Variants in FER observed in about 807,000 individuals in gnomAD.
FER encodes the protein tyrosine-protein kinase Fer.
A neutral mutation model predicts 111.0 loss-of-function variants in FER; 63 were observed. That is an observed-to-expected ratio of 0.57 (90% CI 0.46 to 0.70). The LOEUF (loss-of-function observed/expected upper bound fraction) is 0.70. Among genes scored for constraint, FER ranks in the 30% least tolerant of loss-of-function variants. The pLI is 0.00. For missense variants in FER, 914 were observed against 954.0 expected (o/e 0.96, Z 0.55); for synonymous variants, 327 against 313.9 (o/e 1.04, Z -0.44).
At chr5:109,164,076 T>G (rs1397423009) in intron 17 of FER, among the ~76,000 whole-genome samples, 3 of 152,120 alleles carry the variant, frequency 2.0e-5, no homozygotes, top group East Asian at 3.8e-4. Context: ...AAAAATAATG[T>G]TTGAGATTAT....
chr5:108,954,856 A>G lies in FER; in HGVS notation c.1457A>G (p.His486Arg). ...KQGDFLVRES[H>R]GKPGEYVLSV... ...GGAGACTTTTTGGTGCGAGAGAGTC[A>G]TGGGAAACCTGGTGAATATGTCCTT... Residue 486 changes from histidine to arginine, a missense_variant, in exon 12 of 20, where the codon CAT (histidine) becomes CGT (arginine). Transcript: ENST00000281092. 7.4e-6 allele frequency: 12 copies of G among 1,612,164 alleles called. No homozygotes were observed. The highest frequency in any genetic ancestry group is 9.3e-6 in the Non-Finnish European group (11 of 1,179,184).
At chr5:108,934,116 G>A (rs1440715314) in intron 10 of FER, among the ~76,000 whole-genome samples, 1 of 152,118 alleles carries the variant, frequency 6.6e-6, no homozygotes, top group East Asian at 1.9e-4. Flanking sequence ...GAATAGGAGT[G>A]GTGAGACAGG....
intron 13 of FER, among the ~76,000 whole-genome samples, chr5:108,962,930 T>C (rs1759324482): frequency 6.6e-6 from 1 of 152,182 alleles, no homozygotes; most frequent in Non-Finnish European, 1.5e-5. Context: ...TTTTAGAGGC[T>C]AAAATAAACT....
At chr5:108,858,026 C>T (rs544642814) in intron 5 of FER, among the ~76,000 whole-genome samples, 2 of 152,264 alleles carry the variant, frequency 1.3e-5, no homozygotes, top group South Asian at 2.1e-4. Flanking sequence ...GTGCTCATTG[C>T]TAGTGGAGTA....
chr5:109,115,772 GTAGT>G (rs1263875097), intron 17 of FER, among the ~76,000 whole-genome samples: 6 of 151,800 alleles, frequency 4.0e-5, no homozygotes, highest in Non-Finnish European at 5.9e-5. Context: ...TATAAACTTG[GTAGT>G]TAGATGCTTT....
intron 16 of FER, among the ~76,000 whole-genome samples, chr5:109,071,828 T>A (rs1581903612): frequency 6.6e-6 from 1 of 151,944 alleles, no homozygotes; most frequent in South Asian, 2.1e-4. Context: ...AAGCAACAAA[T>A]TAATGAGTGG....
chr5:109,186,083 C>T (rs779866973), intron 18 of FER, 117 bp from the exon 19 acceptor site: 2 of 1,410,512 alleles, frequency 1.4e-6, no homozygotes, highest in South Asian at 2.5e-5. Flanking sequence ...ATATGTGCTC[C>T]ATCATTGACC....
At position 109,146,244 on chromosome 5, in the gene FER, A is replaced by ATATTATCTATCTAATATATATATATT. The variant is rs373376729; in HGVS notation, c.2049-34503_2049-34502insTATTATCTATCTAATATATATATATT. 7.4e-5 allele frequency among the ~76,000 whole-genome samples: 5 copies of ATATTATCTATCTAATATATATATATT among 67,304 alleles called. 1 individual carries two copies. The highest frequency in any genetic ancestry group is 2.5e-4 in the African/African-American group (4 of 15,988). The allele number at this position is 67,304 out of a possible 152,430, so 44.2% of individuals were successfully genotyped here. ...TATATTATCTATCTAATATATATATAATCTATCTAATATATATATATATAT... is the reference window on the plus strand; with the variant it reads ...TATATTATCTATCTAATATATATATATATTATCTATCTAATATATATATATTATCTATCTAATATATATATATATAT... On this transcript the variant is annotated intron_variant, in intron 17 of 19. Coordinates refer to ENST00000281092, the MANE Select transcript of FER (RefSeq NM_005246.4).
chr5:109,181,190 G>C (rs924767073), intron 18 of FER, among the ~76,000 whole-genome samples: 11 of 152,146 alleles, frequency 7.2e-5, no homozygotes, highest in Non-Finnish European at 4.4e-5. Flanking sequence ...ATTATACAGA[G>C]TAAGCGTTGT....
At chr5:108,774,854 CTGA>C (rs1177358834) in intron 2 of FER, among the ~76,000 whole-genome samples, 7 of 152,030 alleles carry the variant, frequency 4.6e-5, no homozygotes, top group African/African-American at 1.7e-4. Flanking sequence ...CCTGTTCACT[CTGA>C]TGATAGTTTC....
intron 16 of FER, among the ~76,000 whole-genome samples, chr5:109,091,682 T>C (rs1403024214): frequency 6.6e-6 from 1 of 152,104 alleles, no homozygotes; most frequent in Non-Finnish European, 1.5e-5. Context: ...AGCCAAGCCA[T>C]GAGTGTAGGG....
chr5:109,035,012 A>G (rs1561805563), intron 13 of FER, among the ~76,000 whole-genome samples: 1 of 151,130 alleles, frequency 6.6e-6, no homozygotes, highest in South Asian at 2.1e-4. Context: ...ATATAGTTCA[A>G]TGAAACACCA....
In FER at chr5:109,133,081, C is replaced by T. The variant is rs573153997; in HGVS notation, c.2048+32562C>T. Among the ~76,000 whole-genome samples, 3 of 152,270 alleles carry T rather than the reference C, an allele frequency of 2.0e-5. No individual in the cohort carries two copies. The South Asian group carries it at 6.2e-4, about 32-fold the overall frequency. ...TATTTAAGTTGGGATTTTTGTCATA[C>T]TGTAACTTTCGGTTTTATTGGAAAG... is the stretch of plus-strand genomic sequence containing the variant. On this transcript the variant is annotated intron_variant, in intron 17 of 19. Transcript: ENST00000281092.
At chr5:109,157,252 C>G (rs1755498540) in intron 17 of FER, among the ~76,000 whole-genome samples, 2 of 152,044 alleles carry the variant, frequency 1.3e-5, no homozygotes, top group African/African-American at 4.8e-5. Flanking sequence ...CTGAGAGACA[C>G]TTGTGTTTTT....
At chr5:108,927,131 C>T (rs1036855610) in intron 10 of FER, among the ~76,000 whole-genome samples, 3 of 151,960 alleles carry the variant, frequency 2.0e-5, no homozygotes, top group Admixed American at 6.6e-5. Flanking sequence ...ATACACTTTT[C>T]CATCTTGTAA....
chr5:108,748,988 T>A (rs538998709), intron 1 of FER: 3 of 151,928 alleles, frequency 2.0e-5, no homozygotes, highest in South Asian at 2.1e-4. Flanking sequence ...GCTTGTCAGG[T>A]TCTAGGTAGG....
chr5:109,052,422 G>T, intron 16 of FER: 4 of 1,510,160 alleles, frequency 2.6e-6, no homozygotes, highest in Admixed American at 3.3e-5. Context: ...CTTGAACCTT[G>T]TCAAGGAGTT....
chr5:109,110,184 C>T (rs530688186), intron 17 of FER, among the ~76,000 whole-genome samples: 1 of 152,186 alleles, frequency 6.6e-6, no homozygotes, highest in Admixed American at 6.5e-5. Flanking sequence ...TGAAACAAAG[C>T]TCTACCCTTA....
chr5:108,893,005 C>G (rs1292426693), intron 9 of FER, among the ~76,000 whole-genome samples: 1 of 152,152 alleles, frequency 6.6e-6, no homozygotes. Context: ...TCTGAGGGCT[C>G]TGTTCTGTTC....
Sources: allele counts gnomAD v4.1 joint callset (sites outside exome capture counted in the v4.1 genomes callset), GRCh38; gene constraint gnomAD v4.1.1; transcripts MANE v1.5; gene names NCBI Gene and HGNC (gene_info 2026-07-23, HGNC 2026-07-21).